Variants in SCARF2 observed in about 807,000 individuals in gnomAD.
SCARF2 encodes scavenger receptor class F member 2.
SCARF2 carries 39 observed loss-of-function variants against 73.4 expected under a neutral mutation model. The ratio of observed to expected loss-of-function variants is 0.53; its 90% CI spans 0.41 to 0.69. The LOEUF is 0.69. Ranked by LOEUF, SCARF2 falls within the 30% of genes least tolerant of loss-of-function variation. The pLI, the probability that SCARF2 is intolerant of heterozygous loss-of-function variation, is 0.00. For missense variants in SCARF2, 1,148 were observed against 1,303.5 expected (o/e 0.88, Z 1.84); for synonymous variants, 605 against 590.0 (o/e 1.03, Z -0.37).
At position 20,425,964 on chromosome 22, in the gene SCARF2, T is replaced by C; in HGVS notation, c.2012A>G (p.Lys671Arg). The change falls in exon 11 of 11, where the codon AAG becomes AGG. Residue 671 changes from lysine (K) to arginine (R), a missense_variant. Around this residue, in one of 5 missense-constraint regions of SCARF2, gnomAD observed 437 missense variants for 433.6 expected, o/e 1.01. Coordinates refer to ENST00000622235, the MANE Select transcript of SCARF2 (RefSeq NM_182895.5). The surrounding 1 kb of genome is among the most constrained non-coding windows in gnomAD (Gnocchi z 4.6). Reference sequence around the variant, plus strand: ...ACGGCCAGCTGCAGCGGCGCTGTGCTTGCCGTGGATCCAGGACACCTTAGG... The same window carrying C: ...ACGGCCAGCTGCAGCGGCGCTGTGCCTGCCGTGGATCCAGGACACCTTAGG... ...TKPKVSWIHG[K>R]HSAAAAGRAP... is the part of the protein sequence containing the mutation. The C allele has an allele frequency of 6.3e-7, 1 of 1,594,256 alleles. No individual in the cohort carries two copies. Among genetic ancestry groups the C allele is most frequent in the Non-Finnish European group, 8.5e-7 (1 of 1,174,780 alleles).
At position 20,425,349 on chromosome 22, in the gene SCARF2, G is replaced by A; in HGVS notation, c.*26C>T. On this transcript the variant is annotated 3_prime_UTR_variant, in exon 11 of 11. Transcript: ENST00000622235. The surrounding 1 kb of genome is among the most constrained non-coding windows in gnomAD (Gnocchi z 4.6). Reference sequence around the variant, plus strand: ...CGGGCGGCGCTGCGAAGCTGAGGGAGCTGCGCGCGGACGAGCCACAGCCTG... The same window carrying A: ...CGGGCGGCGCTGCGAAGCTGAGGGAACTGCGCGCGGACGAGCCACAGCCTG... The A allele has an allele frequency of 1.5e-6, 2 of 1,367,328 alleles. No individual in the cohort carries two copies. Among genetic ancestry groups the A allele is most frequent in the Admixed American group, 2.9e-5 (1 of 34,538 alleles). 84.7% of individuals were successfully genotyped at this position (1,367,328 alleles called of 1,614,324 possible). A position where few individuals can be genotyped will look rare whatever the true frequency, so the allele number is the denominator to read the frequency against.
Position 20,431,398 on chromosome 22 carries a change from G to A in SCARF2, c.474C>T (p.Cys158=), listed in dbSNP as rs1307137492. 5 of 1,534,530 alleles carry A rather than the reference G, an allele frequency of 3.3e-6. No individual in the cohort carries two copies. The highest frequency in any genetic ancestry group is 4.4e-6 in the Non-Finnish European group (5 of 1,146,344). Residue 158 remains cysteine (C), a synonymous_variant, in exon 4 of 11, where the codon TGC becomes TGT. Coordinates refer to ENST00000622235, the MANE Select transcript of SCARF2 (RefSeq NM_182895.5). ...TCCGCGGGTGGCACGTGCCGTGCTGGCACTGGCACGCATGCTCGCAGCGCG... is the reference window on the plus strand; with the variant it reads ...TCCGCGGGTGGCACGTGCCGTGCTGACACTGGCACGCATGCTCGCAGCGCG... The part of the protein sequence containing the change: ...WGARCEHACQ[C]QHGTCHPRSG...
chr22:20,436,429 G>A (rs577584231), intron 1 of SCARF2, among the ~76,000 whole-genome samples: 1 of 152,164 alleles, frequency 6.6e-6, no homozygotes, highest in African/African-American at 2.4e-5. Flanking sequence ...GGGGAGGCCC[G>A]GGAGTCCGCG....
chr22:20,432,067 G>C (rs970695268), intron 1 of SCARF2, 79 bp from the exon 2 acceptor site: 3 of 1,421,032 alleles, frequency 2.1e-6, no homozygotes, highest in South Asian at 1.2e-5. Context: ...CGCAGCCTCC[G>C]CACAGCCTCC....
chr22:20,430,488 G>C lies in SCARF2; in HGVS notation c.1143C>G (p.Ser381Arg). 1 of 1,599,494 alleles carries C rather than the reference G, an allele frequency of 6.3e-7. No individual in the cohort carries two copies. The highest frequency in any genetic ancestry group is 8.5e-7 in the Non-Finnish European group (1 of 1,174,018). Residue 381 changes from serine to arginine, a missense_variant, in exon 6 of 11, where the codon AGC becomes AGG. Transcript: ENST00000622235. ...GCCCCGACTGGAAGTCGCAGTGTCC[G>C]CTGCCGCAGTCGGCGCACACGAAGG... ...DCAFVCADCGSGHCDFQSGRC... is the reference protein window; with the variant it reads ...DCAFVCADCGRGHCDFQSGRC...
rs1400447280 is a variant in SCARF2 at position 20,431,404 on chromosome 22, G to A, written c.468C>T (p.Cys156=). 6 of 1,536,486 alleles carry A rather than the reference G, an allele frequency of 3.9e-6. No homozygotes were observed. The highest frequency in any genetic ancestry group is 5.2e-6 in the Non-Finnish European group (6 of 1,147,430). The change falls in exon 4 of 11, where the codon TGC becomes TGT. Residue 156 remains cysteine (C), a synonymous_variant. Coordinates refer to ENST00000622235, the MANE Select transcript of SCARF2 (RefSeq NM_182895.5). ...GGTGGCACGTGCCGTGCTGGCACTGGCACGCATGCTCGCAGCGCGCGCCCC... is the reference window on the plus strand; with the variant it reads ...GGTGGCACGTGCCGTGCTGGCACTGACACGCATGCTCGCAGCGCGCGCCCC... The part of the protein sequence containing the change: ...RRWGARCEHA[C]QCQHGTCHPR...
intron 10 of SCARF2, among the ~76,000 whole-genome samples, chr22:20,426,858 C>T (rs1298174128): frequency 1.3e-5 from 2 of 151,686 alleles, no homozygotes; most frequent in Non-Finnish European, 2.9e-5. Context: ...ACCCAGGAGG[C>T]AGAGGTTGCA....
In SCARF2 at chr22:20,425,774, A is replaced by G. The variant is rs1222527594; in HGVS notation, c.2202T>C (p.Ala734=). 2.9e-6 allele frequency: 4 copies of G among 1,362,232 alleles called. No homozygotes were observed. The South Asian group carries it at 5.4e-5, about 18-fold the overall frequency. 84.4% of individuals were successfully genotyped at this position (1,362,232 alleles called of 1,614,324 possible). A position where few individuals can be genotyped will look rare whatever the true frequency, so the allele number is the denominator to read the frequency against. ...CTCGGGCCCTGGGCGGCGAGGGCGC[A>G]GCGAGGGCTGTCGCCTCCTCGGGCA... ...PGLPEEATAL[A]APSPPRARAR... The change falls in exon 11 of 11, where the codon GCT becomes GCC. Residue 734 remains alanine, a synonymous_variant. Coordinates refer to ENST00000622235, the MANE Select transcript of SCARF2 (RefSeq NM_182895.5). The surrounding 1 kb of genome is among the most constrained non-coding windows in gnomAD (Gnocchi z 4.6).
At chr22:20,426,937 A>G (rs1569106254) in intron 10 of SCARF2, among the ~76,000 whole-genome samples, 1 of 146,358 alleles carries the variant, frequency 6.8e-6, no homozygotes, top group African/African-American at 2.5e-5. Flanking sequence ...AAAAAAAAAA[A>G]AAGAGCGATA....
chr22:20,430,452 G>A lies in SCARF2; in HGVS notation c.1179C>T (p.Cys393=). 1 of 1,592,440 alleles carries A rather than the reference G, an allele frequency of 6.3e-7. No individual in the cohort carries two copies. The highest frequency in any genetic ancestry group is 1.1e-5 in the South Asian group (1 of 88,324). The change falls in exon 6 of 11, where the codon TGC becomes TGT. Residue 393 remains cysteine (C), a synonymous_variant. Transcript: ENST00000622235. ...ACTGGGGCCCGTGGACGCCAGGGCTGCACAGGCAGCGCCCCGACTGGAAGT... is the reference window on the plus strand; with the variant it reads ...ACTGGGGCCCGTGGACGCCAGGGCTACACAGGCAGCGCCCCGACTGGAAGT... ...HCDFQSGRCL[C]SPGVHGPHCN... is the part of the protein sequence containing the mutation.
chr22:20,437,702 C>G lies in SCARF2; in HGVS notation c.53G>C (p.Gly18Ala), dbSNP rs1232029197. ...CGGCAGCAGCGGTGACGGCGGCCCC[C>G]CGGCTCCCCGGCGCCGCGCCGGCCC... is the stretch of plus-strand genomic sequence containing the variant. ...GAGPARRRGA[G>A]GPPSPLLPSL... The change falls in exon 1 of 11, where the codon GGG becomes GCG. Residue 18 changes from glycine to alanine, a missense_variant. Physicochemically the swap from Gly to Ala is moderately conservative, Grantham distance 60. Transcript: ENST00000622235. The G allele has an allele frequency of 6.9e-7, 1 of 1,449,288 alleles. No individual in the cohort carries two copies. The highest frequency in any genetic ancestry group is 9.0e-7 in the Non-Finnish European group (1 of 1,105,012). The allele number at this position is 1,449,288 out of a possible 1,614,324, so 89.8% of individuals were successfully genotyped here.
intron 1 of SCARF2, among the ~76,000 whole-genome samples, chr22:20,435,739 C>T (rs533414065): frequency 1.1e-3 from 163 of 152,362 alleles, no homozygotes; most frequent in African/African-American, 3.8e-3. Flanking sequence ...ACAGCACTCC[C>T]CAACCCAACA....
chr22:20,434,531 CA>C (rs2052678985), intron 1 of SCARF2, among the ~76,000 whole-genome samples: 1 of 152,316 alleles, frequency 6.6e-6, no homozygotes, highest in African/African-American at 2.4e-5. Context: ...TCACTGAGAA[CA>C]AGATGCTTTC....
At position 20,429,554 on chromosome 22, in the gene SCARF2, C is replaced by A; in HGVS notation, c.1406G>T (p.Gly469Val). ...SLLGCCCACR[G>V]KDPTRRELSL... is the part of the protein sequence containing the mutation. ...GGCTCACCGGCGCGTAGGGTCCTTG[C>A]CGCGGCAAGCGCAGCAGCAGCCGAG... is the stretch of plus-strand genomic sequence containing the variant. The change falls in exon 8 of 11, where the codon GGC becomes GTC. Residue 469 changes from glycine (G) to valine (V), a missense_variant. Around this residue, in one of 5 missense-constraint regions of SCARF2, gnomAD observed 437 missense variants for 433.6 expected, o/e 1.01. Transcript: ENST00000622235. This position sits in a 1 kb window ranked among gnomAD's most constrained non-coding sequence, Gnocchi z 5.2. 1 of 1,612,938 alleles carries A rather than the reference C, an allele frequency of 6.2e-7. No homozygotes were observed.
chr22:20,425,858 C>G lies in SCARF2; in HGVS notation c.2118G>C (p.Ala706=), dbSNP rs1448892579. The G allele has an allele frequency of 6.9e-6, 11 of 1,594,010 alleles. No homozygotes were observed. Among genetic ancestry groups the G allele is most frequent in the Non-Finnish European group, 9.4e-6 (11 of 1,173,942 alleles). ...GGGGGCTGCCGTGTTCGACCGTATG[C>G]GCCGATTTGTCGCTGGGCGTCCGTT... ...KRKRTPSDKS[A]HTVEHGSPRT... is the part of the protein sequence containing the mutation. Residue 706 remains alanine, a synonymous_variant, in exon 11 of 11, where the codon GCG becomes GCC. Coordinates refer to ENST00000622235, the MANE Select transcript of SCARF2 (RefSeq NM_182895.5). The surrounding 1 kb of genome is among the most constrained non-coding windows in gnomAD (Gnocchi z 4.6).
chr22:20,437,642 G>A lies in SCARF2; in HGVS notation c.113C>T (p.Pro38Leu). Residue 38 changes from proline to leucine, a missense_variant, in exon 1 of 11, where the codon CCG (proline) becomes CTG (leucine). Physicochemically the swap from Pro to Leu is moderately conservative, Grantham distance 98. Coordinates refer to ENST00000622235, the MANE Select transcript of SCARF2 (RefSeq NM_182895.5). ...CAGTTCCTGAGGCGCCACGGTGTCC[G>A]GCAGCATCCAGAGCAGCAGCAGCAG... ...LLLLLLLWML[P>L]DTVAPQELNP... The A allele has an allele frequency of 1.9e-6, 3 of 1,557,908 alleles. No homozygotes were observed. Among genetic ancestry groups the A allele is most frequent in the South Asian group, 2.3e-5 (2 of 85,770 alleles).
rs561424526 is a variant in SCARF2 at position 20,425,192 on chromosome 22, C to T, written c.*183G>A. On this transcript the variant is annotated 3_prime_UTR_variant, in exon 11 of 11. Transcript: ENST00000622235. The surrounding 1 kb of genome is among the most constrained non-coding windows in gnomAD (Gnocchi z 4.6). The stretch of plus-strand genomic sequence containing the variant: ...CTCGACCAACGGGATGGGCCCTTCC[C>T]GCCAGAGCACACTGCTCCAATCCAG... 4.7e-5 allele frequency: 22 copies of T among 467,964 alleles called. No homozygotes were observed. Among genetic ancestry groups the T allele is most frequent in the South Asian group, 9.2e-5 (1 of 10,916 alleles). 29.0% of individuals were successfully genotyped at this position (467,964 alleles called of 1,614,324 possible). A position where few individuals can be genotyped will look rare whatever the true frequency, so the allele number is the denominator to read the frequency against.
Position 20,431,533 on chromosome 22 carries a change from G to A in SCARF2, c.339C>T (p.Cys113=), listed in dbSNP as rs776884579. 6.4e-7 allele frequency: 1 copy of A among 1,573,470 alleles called. No individual in the cohort carries two copies. Among genetic ancestry groups the A allele is most frequent in the Non-Finnish European group, 8.6e-7 (1 of 1,167,630 alleles). ...GYFGANCDTK[C]PRQFWGPDCK... Reference sequence around the variant, plus strand: ...AGTCGGGGCCCCAGAACTGGCGCGGGCACTCTGCAGGGGAGGAGCGGAGGG... The same window carrying A: ...AGTCGGGGCCCCAGAACTGGCGCGGACACTCTGCAGGGGAGGAGCGGAGGG... The change falls in exon 4 of 11, where the codon TGC becomes TGT. Residue 113 remains cysteine (C), a synonymous_variant. Coordinates refer to ENST00000622235, the MANE Select transcript of SCARF2 (RefSeq NM_182895.5).
chr22:20,430,996 C>G, intron 4 of SCARF2, 22 bp downstream of exon 4: 3 of 1,566,976 alleles, frequency 1.9e-6, no homozygotes, highest in South Asian at 1.2e-5. Flanking sequence ...TCCTCCCTCC[C>G]TGGCCGAGAG....
Sources: gnomAD v4.1 joint callset for allele counts (sites outside exome capture counted in the v4.1 genomes callset) on GRCh38, gnomAD v4.1.1 for gene constraint, gnomAD v4.1.1 regional missense constraint, Gnocchi (gnomAD v3.1) non-coding constraint, MANE v1.5 for transcripts, NCBI Gene and HGNC (gene_info 2026-07-23, HGNC 2026-07-21) for gene names.